The following TBXAS1 variants were observed in gnomAD, a reference collection of about 807,000 sequenced individuals.
TBXAS1 encodes the protein thromboxane-A synthase.
Under a neutral mutation model 60.7 loss-of-function variants are expected in TBXAS1, and 48 were observed. The ratio of observed to expected loss-of-function variants is 0.79; its 90% CI spans 0.63 to 1.01. The LOEUF (loss-of-function observed/expected upper bound fraction) is 1.01. Ranked by LOEUF, TBXAS1 falls within the 50% of genes least tolerant of loss-of-function variation. The pLI is 0.00. For missense variants in TBXAS1, 685 were observed against 686.3 expected (o/e 1.00, Z 0.02); for synonymous variants, 287 against 269.7 (o/e 1.06, Z -0.63).
intron 1 of TBXAS1, among the ~76,000 whole-genome samples, chr7:139,861,794 C>A (rs371798738): frequency 6.6e-6 from 1 of 152,158 alleles, no homozygotes; most frequent in South Asian, 2.1e-4. Context: ...GTCCATGTAT[C>A]AGTCTTGCTG....
At chr7:139,828,716 C>T (rs1177225961), upstream of TBXAS1, among the ~76,000 whole-genome samples, 1 of 152,192 alleles carries the variant, frequency 6.6e-6, no homozygotes. Context: ...CCTTCAAACA[C>T]TTGAGAAGCC....
upstream of TBXAS1, among the ~76,000 whole-genome samples, chr7:139,825,782 G>A (rs1409467811): frequency 3.9e-5 from 6 of 152,158 alleles, no homozygotes; most frequent in African/African-American, 1.4e-4. Flanking sequence ...GTAAGGCTTG[G>A]TCAGTGTTTC....
chr7:140,008,341 G>A (rs1419103226), intron 10 of TBXAS1, among the ~76,000 whole-genome samples: 1 of 152,174 alleles, frequency 6.6e-6, no homozygotes, highest in East Asian at 1.9e-4. Flanking sequence ...TCACTCAGGG[G>A]CTCTGTGCCC....
chr7:139,903,988 T>C (rs1053672643), intron 3 of TBXAS1, among the ~76,000 whole-genome samples: 2 of 152,138 alleles, frequency 1.3e-5, no homozygotes, highest in African/African-American at 4.8e-5. Flanking sequence ...TTGTTTTTGT[T>C]GCATTTGCTT....
At chr7:140,014,126 A>C (rs1186321218) in intron 10 of TBXAS1, among the ~76,000 whole-genome samples, 7 of 152,230 alleles carry the variant, frequency 4.6e-5, no homozygotes, top group Admixed American at 3.9e-4. Flanking sequence ...TGTCATGAGA[A>C]GACTGGATTG....
intron 4 of TBXAS1, among the ~76,000 whole-genome samples, chr7:139,919,430 C>T (rs1274859484): frequency 2.6e-5 from 4 of 152,236 alleles, no homozygotes; most frequent in Non-Finnish European, 4.4e-5. Flanking sequence ...AGAAGCACCT[C>T]GCTCTGTTCA....
Position 139,852,918 on chromosome 7 carries a change from A to T in TBXAS1, c.90-19317A>T, listed in dbSNP as rs1800315904. On this transcript the variant is annotated intron_variant, in intron 1 of 12. Coordinates refer to ENST00000448866, the MANE Select transcript of TBXAS1 (RefSeq NM_001061.7). The surrounding 1 kb of genome is among the most constrained non-coding windows in gnomAD (Gnocchi z 4.4). ...CCAGTACTCAATGCCCCTGTGTACCAACCTTGGCTACTCCAATACACACAC... is the reference window on the plus strand; with the variant it reads ...CCAGTACTCAATGCCCCTGTGTACCTACCTTGGCTACTCCAATACACACAC... Among the ~76,000 whole-genome samples the T allele has an allele frequency of 6.8e-6, 1 of 147,538 alleles. No homozygotes were observed. Among genetic ancestry groups the T allele is most frequent in the East Asian group, 2.0e-4 (1 of 4,958 alleles).
intron 4 of TBXAS1, among the ~76,000 whole-genome samples, chr7:139,813,871 G>A (rs1798084773): frequency 6.6e-6 from 1 of 152,216 alleles, no homozygotes; most frequent in Admixed American, 6.5e-5. Flanking sequence ...ATGAGGTGAA[G>A]AAGGCACAGT....
intron 4 of TBXAS1, among the ~76,000 whole-genome samples, chr7:139,807,147 C>G (rs758804227): frequency 1.3e-5 from 2 of 152,198 alleles, no homozygotes; most frequent in Admixed American, 1.3e-4. Flanking sequence ...AAGCCTCCAG[C>G]GCCAGCTCTT....
intron 9 of TBXAS1, among the ~76,000 whole-genome samples, chr7:139,986,881 C>T (rs986444701): frequency 2.7e-5 from 4 of 148,358 alleles, no homozygotes; most frequent in Admixed American, 1.4e-4. Context: ...TTTGCAATTG[C>T]GAATTTGTGT....
intron 1 of TBXAS1, among the ~76,000 whole-genome samples, chr7:139,842,330 G>A (rs530367740): frequency 5.9e-5 from 9 of 152,316 alleles, no homozygotes; most frequent in African/African-American, 1.9e-4. Context: ...AGCTGCGTGA[G>A]TGGGTGCTCA....
chr7:139,982,016 G>A (rs1465897307), intron 9 of TBXAS1, among the ~76,000 whole-genome samples: 1 of 152,190 alleles, frequency 6.6e-6, no homozygotes, highest in Non-Finnish European at 1.5e-5. Flanking sequence ...GTTTGAAGCA[G>A]TTAAAAGTCT....
At chr7:139,901,249 C>A (rs865775850) in intron 3 of TBXAS1, among the ~76,000 whole-genome samples, 1 of 150,498 alleles carries the variant, frequency 6.6e-6, no homozygotes, top group Non-Finnish European at 1.5e-5. Flanking sequence ...AGTTTTCTCA[C>A]GAGATTCATA....
At position 139,891,852 on chromosome 7, in the gene TBXAS1, C is replaced by T. The variant is rs1409686205; in HGVS notation, c.236+16215C>T. ...TATTTGGCTAATTTGGGTAATGGTA[C>T]TATTTTACTGGAGACAAATAAAAGG... On this transcript the variant is annotated intron_variant, in intron 3 of 12. Coordinates refer to ENST00000448866, the MANE Select transcript of TBXAS1 (RefSeq NM_001061.7). Among the ~76,000 whole-genome samples, 6 of 152,132 alleles carry T rather than the reference C, an allele frequency of 3.9e-5. No individual in the cohort carries two copies. The East Asian group carries it at 1.2e-3, about 29-fold the overall frequency.
intron 1 of TBXAS1, among the ~76,000 whole-genome samples, chr7:139,851,890 A>G (rs752938666): frequency 3.9e-5 from 6 of 152,206 alleles, no homozygotes; most frequent in African/African-American, 1.4e-4. Context: ...GTCAGTTAGC[A>G]TGACCAGTGG....
chr7:139,800,490 A>G (rs968235960), intron 4 of TBXAS1, among the ~76,000 whole-genome samples: 6 of 152,042 alleles, frequency 3.9e-5, no homozygotes, highest in Admixed American at 3.9e-4. Flanking sequence ...TTCCTTCAGT[A>G]GTGTCATTCC....
At chr7:139,809,233 T>TAGATAGATAGATGATAGATAGATA (rs1554466810) in intron 4 of TBXAS1, among the ~76,000 whole-genome samples, 70 of 131,074 alleles carry the variant, frequency 5.3e-4, no homozygotes, top group Middle Eastern at 3.7e-3. Context: ...GATAGATAGA[T>TAGATAGATAGATGATAGATAGATA]GATAGATAGA....
chr7:139,872,582 A>G (rs1801902965), intron 2 of TBXAS1, among the ~76,000 whole-genome samples: 1 of 152,218 alleles, frequency 6.6e-6, no homozygotes. Flanking sequence ...TGAACCCAGG[A>G]GGTGGAGGTT....
At chr7:139,858,854 TTTTTTAA>T (rs1800766901) in intron 1 of TBXAS1, among the ~76,000 whole-genome samples, 1 of 152,196 alleles carries the variant, frequency 6.6e-6, no homozygotes, top group Non-Finnish European at 1.5e-5. Flanking sequence ...CATTTATTTA[TTTTTTAA>T]TTTTTAATTT....
Sources: allele counts gnomAD v4.1 joint callset (sites outside exome capture counted in the v4.1 genomes callset), GRCh38; gene constraint gnomAD v4.1.1; non-coding constraint Gnocchi (gnomAD v3.1); transcripts MANE v1.5; gene names NCBI Gene and HGNC (gene_info 2026-07-23, HGNC 2026-07-21).